SP8: variants seen among roughly 807,000 people sequenced by gnomAD.
The protein encoded by SP8 is Sp8 transcription factor.
Under a neutral mutation model 15.3 loss-of-function variants are expected in SP8, and 7 were observed. The ratio of observed to expected loss-of-function variants is 0.46; its 90% confidence interval spans 0.26 to 0.86. The LOEUF (loss-of-function observed/expected upper bound fraction) is 0.86, where lower values mean the gene tolerates loss of function less well. Among genes scored for constraint, SP8 ranks in the 40% least tolerant of loss-of-function variants. The pLI is 0.16. For synonymous variants in SP8, 415 were observed against 356.3 expected (o/e 1.16, Z -1.86); for missense variants, 731 against 736.4 (o/e 0.99, Z 0.09).
chr7:20,785,627 C>G lies in SP8; in HGVS notation c.190G>C (p.Val64Leu). The change falls in exon 2 of 2, where the codon GTA becomes CTA. Residue 64 changes from valine (V) to leucine (L), a missense_variant. By Grantham distance (32) the Val-to-Leu change is conservative (BLOSUM62 1). This residue lies in a region of SP8 where 586 missense variants were observed against 524.9 expected (regional missense o/e 1.12). Coordinates refer to ENST00000418710, the MANE Select transcript of SP8 (RefSeq NM_182700.6). The surrounding 1 kb of genome is among the most constrained non-coding windows in gnomAD (Gnocchi z 7.2). Reference sequence around the variant, plus strand: ...AAGCTTGAGAGACTGGAACCCACTACGTTGCAGCTGGCGGAAGAAGAGGAC... The same window carrying G: ...AAGCTTGAGAGACTGGAACCCACTAGGTTGCAGCTGGCGGAAGAAGAGGAC... The part of the protein sequence containing the change: ...SSSSSSASCN[V>L]VGSSLSSFGV... The G allele has an allele frequency of 6.2e-7, 1 of 1,611,810 alleles. No individual in the cohort carries two copies. The highest frequency in any genetic ancestry group is 8.5e-7 in the Non-Finnish European group (1 of 1,178,788).
Position 20,785,433 on chromosome 7 carries a change from G to T in SP8, c.384C>A (p.Ala128=), listed in dbSNP as rs1783640995. ...LTSSSAAAAA[A]AAAAAASSSP... ...AGCTGGAGGCGGCGGCTGCGGCGGC[G>T]GCGGCGGCGGCTGCGGCGCTGCTGG... Residue 128 remains alanine (A), a synonymous_variant, in exon 2 of 2, where the codon GCC becomes GCA. Transcript: ENST00000418710. This position sits in a 1 kb window ranked among gnomAD's most constrained non-coding sequence, Gnocchi z 7.2. The T allele has an allele frequency of 2.3e-6, 3 of 1,312,268 alleles. No homozygotes were observed. Among genetic ancestry groups the T allele is most frequent in the Non-Finnish European group, 2.9e-6 (3 of 1,023,068 alleles). 81.3% of individuals were successfully genotyped at this position (1,312,268 alleles called of 1,614,324 possible).
Position 20,785,437 on chromosome 7 carries a change from GCGGCGGCTGCGGCGCTGCTGGAGGTGA to G in SP8, c.353_379del (p.Leu118_Ala127delinsPro). 1 of 1,176,490 alleles carries G rather than the reference GCGGCGGCTGCGGCGCTGCTGGAGGTGA, an allele frequency of 8.5e-7. No individual in the cohort carries two copies. The highest frequency in any genetic ancestry group is 1.1e-6 in the Non-Finnish European group (1 of 938,596). 72.9% of individuals were successfully genotyped at this position (1,176,490 alleles called of 1,614,324 possible). A position where few individuals can be genotyped will look rare whatever the true frequency, so the allele number is the denominator to read the frequency against. On this transcript the variant is annotated inframe_deletion, in exon 2 of 2. Coordinates refer to ENST00000418710, the MANE Select transcript of SP8 (RefSeq NM_182700.6). This position sits in a 1 kb window ranked among gnomAD's most constrained non-coding sequence, Gnocchi z 7.2. ...GGAGGCGGCGGCTGCGGCGGCGGCG[GCGGCGGCTGCGGCGCTGCTGGAGGTGA>G]GGGAGAAGGCGCTGGAGCCAGGCGA...
At position 20,786,865 on chromosome 7, in the gene SP8, T is replaced by C; in HGVS notation, c.-67A>G. 7.6e-7 allele frequency: 1 copy of C among 1,314,286 alleles called. No individual in the cohort carries two copies. The highest frequency in any genetic ancestry group is 1.1e-6 in the Non-Finnish European group (1 of 905,924). 81.4% of individuals were successfully genotyped at this position (1,314,286 alleles called of 1,614,324 possible). A position where few individuals can be genotyped will look rare whatever the true frequency, so the allele number is the denominator to read the frequency against. ...ATTGATAAATCAGAGGCAGTGTTTTTTTTAGAGGTGTGCAATACAATGATC... is the reference window on the plus strand; with the variant it reads ...ATTGATAAATCAGAGGCAGTGTTTTCTTTAGAGGTGTGCAATACAATGATC... On this transcript the variant is annotated 5_prime_UTR_variant, in exon 1 of 2. Coordinates refer to ENST00000418710, the MANE Select transcript of SP8 (RefSeq NM_182700.6). The surrounding 1 kb of genome is among the most constrained non-coding windows in gnomAD (Gnocchi z 4.4).
chr7:20,785,464 A>G lies in SP8; in HGVS notation c.353T>C (p.Leu118Pro). 8.4e-7 allele frequency: 1 copy of G among 1,196,000 alleles called. No individual in the cohort carries two copies. The allele number at this position is 1,196,000 out of a possible 1,614,324, so 74.1% of individuals were successfully genotyped here. A position where few individuals can be genotyped will look rare whatever the true frequency, so the allele number is the denominator to read the frequency against. Residue 118 changes from leucine to proline, a missense_variant, in exon 2 of 2, where the codon CTC becomes CCC. This residue lies in a region of SP8 where 586 missense variants were observed against 524.9 expected (regional missense o/e 1.12). Transcript: ENST00000418710. The surrounding 1 kb of genome is among the most constrained non-coding windows in gnomAD (Gnocchi z 7.2). Reference sequence around the variant, plus strand: ...GGCGGCTGCGGCGCTGCTGGAGGTGAGGGAGAAGGCGCTGGAGCCAGGCGA... The same window carrying G: ...GGCGGCTGCGGCGCTGCTGGAGGTGGGGGAGAAGGCGCTGGAGCCAGGCGA... ...GGSPGSSAFS[L>P]TSSSAAAAAA...
chr7:20,785,103 C>G lies in SP8; in HGVS notation c.714G>C (p.Val238=). 10 of 1,585,104 alleles carry G rather than the reference C, an allele frequency of 6.3e-6. No individual in the cohort carries two copies. Among genetic ancestry groups the G allele is most frequent in the Non-Finnish European group, 7.7e-6 (9 of 1,170,908 alleles). Residue 238 remains valine, a synonymous_variant, in exon 2 of 2, where the codon GTG becomes GTC. Coordinates refer to ENST00000418710, the MANE Select transcript of SP8 (RefSeq NM_182700.6). The surrounding 1 kb of genome is among the most constrained non-coding windows in gnomAD (Gnocchi z 7.2). ...GCGCAGCCGCGCTGTTCGGGTTCTG[C>G]ACGTCGATCCAGCCGGCCCCCACGT... ...WWDVGAGWID[V]QNPNSAAALP...
chr7:20,784,104 T>A lies in SP8; in HGVS notation c.*186A>T. ...GGCCCGGGACAGCGATGCGTGTTAC[T>A]TACTTGTCCATATCCCCTTTACAAA... On this transcript the variant is annotated 3_prime_UTR_variant, in exon 2 of 2. Coordinates refer to ENST00000418710, the MANE Select transcript of SP8 (RefSeq NM_182700.6). 1.9e-6 allele frequency: 1 copy of A among 533,640 alleles called. No homozygotes were observed. Among genetic ancestry groups the A allele is most frequent in the African/African-American group, 2.0e-5 (1 of 50,108 alleles). 33.1% of individuals were successfully genotyped at this position (533,640 alleles called of 1,614,324 possible).
Position 20,783,999 on chromosome 7 carries a change from C to A in SP8, c.*291G>T. ...GGAGGGGAGGACAAGGAAGAGAGAA[C>A]GAGAAATAAAGGCCCGACGAGGCGC... On this transcript the variant is annotated 3_prime_UTR_variant, in exon 2 of 2. Transcript: ENST00000418710. 2.4e-6 allele frequency: 1 copy of A among 421,650 alleles called. No homozygotes were observed. Among genetic ancestry groups the A allele is most frequent in the South Asian group, 7.4e-5 (1 of 13,476 alleles). 26.1% of individuals were successfully genotyped at this position (421,650 alleles called of 1,614,324 possible). A position where few individuals can be genotyped will look rare whatever the true frequency, so the allele number is the denominator to read the frequency against.
In SP8 at chr7:20,784,487, TGAAGCGCTTGTTGCAAACTGGACAGGC is replaced by T. The variant is rs1490680841; in HGVS notation, c.1303_1329del (p.Ala435_Phe443del). 1 of 1,555,148 alleles carries T rather than the reference TGAAGCGCTTGTTGCAAACTGGACAGGC, an allele frequency of 6.4e-7. No homozygotes were observed. ...TGCTTGCTGAGGTGGTCGCTGCGCA[TGAAGCGCTTGTTGCAAACTGGACAGGC>T]GAAGCGCTTCTCGCCGGTGTGGGTC... is the stretch of plus-strand genomic sequence containing the variant. On this transcript the variant is annotated inframe_deletion, in exon 2 of 2. Transcript: ENST00000418710.
chr7:20,782,917 T>C lies in SP8; in HGVS notation c.*1373A>G, dbSNP rs1034762420. The C allele has an allele frequency of 2.0e-5, 3 of 152,714 alleles. No individual in the cohort carries two copies. Among genetic ancestry groups the C allele is most frequent in the African/African-American group, 7.2e-5 (3 of 41,568 alleles). The allele number at this position is 152,714 out of a possible 1,614,324, so 9.5% of individuals were successfully genotyped here. On this transcript the variant is annotated 3_prime_UTR_variant, in exon 2 of 2. Transcript: ENST00000418710. ...GAAGTAATGTACAAGAAAAATACTA[T>C]ACAAAATCGTCTCCTGGACAACTGC...
Position 20,786,005 on chromosome 7 carries a change from G to A in SP8, c.22-210C>T, listed in dbSNP as rs1783668871. 20 of 1,409,042 alleles carry A rather than the reference G, an allele frequency of 1.4e-5. 1 individual carries two copies. In the South Asian group the frequency reaches 1.9e-4, roughly 14 times the overall value. 87.3% of individuals were successfully genotyped at this position (1,409,042 alleles called of 1,614,324 possible). A position where few individuals can be genotyped will look rare whatever the true frequency, so the allele number is the denominator to read the frequency against. The stretch of plus-strand genomic sequence containing the variant: ...CTTCCTACTCTACAGGAGGGGACAA[G>A]TTTGGCTGCCGGCGTCTGATTCGGG... On this transcript the variant is annotated intron_variant, in intron 1 of 1. Transcript: ENST00000418710. The surrounding 1 kb of genome is among the most constrained non-coding windows in gnomAD (Gnocchi z 4.4).
Position 20,785,337 on chromosome 7 carries a change from C to T in SP8, c.480G>A (p.Gly160=), listed in dbSNP as rs201180283. The change falls in exon 2 of 2, where the codon GGG becomes GGA. Residue 160 remains glycine, a synonymous_variant. Transcript: ENST00000418710. This position sits in a 1 kb window ranked among gnomAD's most constrained non-coding sequence, Gnocchi z 7.2. ...GVSGGSGGGG[G]GGGGGSSAHS... is the part of the protein sequence containing the mutation. ...GCGCGGAGGAGCCGCCGCCGCCGCC[C>T]CCGCCGCCGCCGCCGCTGCCCCCGG... 1.5e-6 allele frequency: 2 copies of T among 1,371,938 alleles called. No individual in the cohort carries two copies. The highest frequency in any genetic ancestry group is 2.4e-4 in the Middle Eastern group (1 of 4,094). The allele number at this position is 1,371,938 out of a possible 1,614,324, so 85.0% of individuals were successfully genotyped here.
rs1250536846 is a variant in SP8, at chr7:20,784,163, G to T, written c.*127C>A. Reference sequence around the variant, plus strand: ...ACAGAAGGAAGAAGGAAGAGGGGCAGAAACAGAAAGAGACAGAGAGCGAGT... The same window carrying T: ...ACAGAAGGAAGAAGGAAGAGGGGCATAAACAGAAAGAGACAGAGAGCGAGT... On this transcript the variant is annotated 3_prime_UTR_variant, in exon 2 of 2. Transcript: ENST00000418710. 2 of 864,582 alleles carry T rather than the reference G, an allele frequency of 2.3e-6. No homozygotes were observed. Among genetic ancestry groups the T allele is most frequent in the Non-Finnish European group, 3.2e-6 (2 of 619,032 alleles). 53.6% of individuals were successfully genotyped at this position (864,582 alleles called of 1,614,324 possible).
Position 20,785,456 on chromosome 7 carries a change from T to A in SP8, c.361A>T (p.Ser121Cys). The A allele has an allele frequency of 8.6e-7, 1 of 1,159,568 alleles. No individual in the cohort carries two copies. The highest frequency in any genetic ancestry group is 6.8e-5 in the East Asian group (1 of 14,698). The allele number at this position is 1,159,568 out of a possible 1,614,324, so 71.8% of individuals were successfully genotyped here. Residue 121 changes from serine (S) to cysteine (C), a missense_variant, in exon 2 of 2, where the codon AGC (serine) becomes TGC (cysteine). Physicochemically the swap from Ser to Cys is moderately radical, Grantham distance 112. Coordinates refer to ENST00000418710, the MANE Select transcript of SP8 (RefSeq NM_182700.6). The surrounding 1 kb of genome is among the most constrained non-coding windows in gnomAD (Gnocchi z 7.2). ...PGSSAFSLTS[S>C]SAAAAAAAAA... ...GCGGCGGCGGCGGCTGCGGCGCTGC[T>A]GGAGGTGAGGGAGAAGGCGCTGGAG...
At position 20,784,400 on chromosome 7, in the gene SP8, TGCCGCCGCTGCCCGAGCCCGCCGA is replaced by T; in HGVS notation, c.1393_1416del (p.Ser465_Gly472del). 1 of 1,526,898 alleles carries T rather than the reference TGCCGCCGCTGCCCGAGCCCGCCGA, an allele frequency of 6.5e-7. No individual in the cohort carries two copies. Among genetic ancestry groups the T allele is most frequent in the Non-Finnish European group, 8.8e-7 (1 of 1,142,778 alleles). 94.6% of individuals were successfully genotyped at this position (1,526,898 alleles called of 1,614,324 possible). Reference sequence around the variant, plus strand: ...TCGCTGTCGGTGTCGCTGCCCTTCTTGCCGCCGCTGCCCGAGCCCGCCGAGCCGCCGCCGCCGCCGCCGCCACTG... The same window carrying T: ...TCGCTGTCGGTGTCGCTGCCCTTCTTGCCGCCGCCGCCGCCGCCGCCACTG... On this transcript the variant is annotated inframe_deletion, in exon 2 of 2. Coordinates refer to ENST00000418710, the MANE Select transcript of SP8 (RefSeq NM_182700.6).
rs758315541 is a variant in SP8 at position 20,785,832 on chromosome 7, G to T, written c.22-37C>A. The T allele has an allele frequency of 5.1e-6, 8 of 1,572,658 alleles. No homozygotes were observed. Among genetic ancestry groups the T allele is most frequent in the Non-Finnish European group, 7.0e-6 (8 of 1,147,874 alleles). ...AGAGGAGAAGGAGTGGGGGAGGGGA[G>T]GTGGGCAAAGGGCCGGTGGGGGAGG... On this transcript the variant is annotated intron_variant, in intron 1 of 1. Coordinates refer to ENST00000418710, the MANE Select transcript of SP8 (RefSeq NM_182700.6). This position sits in a 1 kb window ranked among gnomAD's most constrained non-coding sequence, Gnocchi z 7.2.
rs1391657039 is a variant in SP8 at position 20,785,037 on chromosome 7, G to C, written c.780C>G (p.Thr260=). Residue 260 remains threonine (T), a synonymous_variant, in exon 2 of 2, where the codon ACC becomes ACG. Coordinates refer to ENST00000418710, the MANE Select transcript of SP8 (RefSeq NM_182700.6). This position sits in a 1 kb window ranked among gnomAD's most constrained non-coding sequence, Gnocchi z 7.2. ...AGCCTCCGAGCGGCGAGTGCAGCGA[G>C]GTTTGGAGCCCCCCGGCGGCAGGGT... is the stretch of plus-strand genomic sequence containing the variant. ...SLHPAAGGLQ[T]SLHSPLGGYN... is the part of the protein sequence containing the mutation. 1.3e-6 allele frequency: 2 copies of C among 1,578,508 alleles called. No homozygotes were observed. The highest frequency in any genetic ancestry group is 1.4e-5 in the African/African-American group (1 of 73,068).
At position 20,784,898 on chromosome 7, in the gene SP8, C is replaced by T. The variant is rs1382200133; in HGVS notation, c.919G>A (p.Gly307Ser). 1.3e-6 allele frequency: 2 copies of T among 1,534,662 alleles called. No individual in the cohort carries two copies. Among genetic ancestry groups the T allele is most frequent in the Admixed American group, 2.0e-5 (1 of 51,024 alleles). Residue 307 changes from glycine (G) to serine (S), a missense_variant, in exon 2 of 2, where the codon GGC (glycine) becomes AGC (serine). Gly to Ser is a moderately conservative substitution (Grantham distance 56). Coordinates refer to ENST00000418710, the MANE Select transcript of SP8 (RefSeq NM_182700.6). ...GACGGGGCCGAGTCCGGGTAGGAGC[C>T]GGGTAGCACTGGCTTGAAGCCGTCC... ...LMDGFKPVLP[G>S]SYPDSAPSPL...
Position 20,784,764 on chromosome 7 carries a change from G to A in SP8, c.1053C>T (p.Asp351=), listed in dbSNP as rs1173955317. The stretch of plus-strand genomic sequence containing the variant: ...GCTCTGCCTCCTGGCAGTTGGGGCA[G>A]TCGCAGGTGGCGCGGCCGGAGTAGC... ...ARRYSGRATC[D]CPNCQEAERL... is the part of the protein sequence containing the mutation. The change falls in exon 2 of 2, where the codon GAC becomes GAT. Residue 351 remains aspartate, a synonymous_variant. Transcript: ENST00000418710. The A allele has an allele frequency of 3.2e-6, 5 of 1,567,516 alleles. No homozygotes were observed. Among genetic ancestry groups the A allele is most frequent in the African/African-American group, 1.4e-5 (1 of 72,702 alleles).
Position 20,785,716 on chromosome 7 carries a change from G to T in SP8, c.101C>A (p.Pro34His). The T allele has an allele frequency of 6.2e-7, 1 of 1,613,970 alleles. No individual in the cohort carries two copies. The highest frequency in any genetic ancestry group is 8.5e-7 in the Non-Finnish European group (1 of 1,179,982). ...AGAAGAGCTGTCCGAGAGGGAGGAG[G>T]GAGACGGGCTGGGGCTGCCTATCTT... ...CNKIGSPSPS[P>H]SSLSDSSSSF... The change falls in exon 2 of 2, where the codon CCC becomes CAC. Residue 34 changes from proline (P) to histidine (H), a missense_variant. By Grantham distance (77) the Pro-to-His change is moderately conservative. Coordinates refer to ENST00000418710, the MANE Select transcript of SP8 (RefSeq NM_182700.6). The surrounding 1 kb of genome is among the most constrained non-coding windows in gnomAD (Gnocchi z 7.2).
Sources: allele counts gnomAD v4.1 joint callset, GRCh38; gene constraint gnomAD v4.1.1; regional missense constraint gnomAD v4.1.1; non-coding constraint Gnocchi (gnomAD v3.1); transcripts MANE v1.5; gene names NCBI Gene and HGNC (gene_info 2026-07-23, HGNC 2026-07-21).